The following STXBP5 variants were observed in gnomAD, a reference collection of about 807,000 sequenced individuals.
STXBP5 encodes the protein syntaxin binding protein 5, also known as syntaxin-binding protein 5.
STXBP5 carries 50 observed loss-of-function variants against 152.4 expected under a neutral mutation model. The ratio of observed to expected loss-of-function variants is 0.33; its 90% CI spans 0.26 to 0.42. The LOEUF (loss-of-function observed/expected upper bound fraction) is 0.42. Ranked by LOEUF, STXBP5 falls within the 10% of genes least tolerant of loss-of-function variation. The pLI is 1.00. For synonymous variants in STXBP5, 492 were observed against 494.7 expected, an observed-to-expected ratio of 0.99 and a Z score of 0.07; for missense variants, 1,167 against 1,388.6, an observed-to-expected ratio of 0.84 and a Z score of 2.54.
rs1376303182 is a variant in STXBP5 at position 147,365,605 on chromosome 6, A to G, written c.3081+1439A>G. Among the ~76,000 whole-genome samples the G allele has an allele frequency of 3.3e-5, 5 of 152,312 alleles. No homozygotes were observed. In the South Asian group the frequency reaches 6.2e-4, roughly 19 times the overall value. The stretch of plus-strand genomic sequence containing the variant: ...TAAACTATATTTTAAACTATCTGCT[A>G]TGTGCCTTCATCATACAGAGATAAA... On this transcript the variant is annotated intron_variant, in intron 25 of 27. Coordinates refer to ENST00000321680, the MANE Select transcript of STXBP5 (RefSeq NM_001127715.4).
chr6:147,286,820 A>G (rs1373789065), intron 8 of STXBP5, among the ~76,000 whole-genome samples: 3 of 151,970 alleles, frequency 2.0e-5, no homozygotes, highest in Admixed American at 6.6e-5. Flanking sequence ...GCCTTTTCCC[A>G]TGTTAGCAGC....
rs1159372834 is a variant in STXBP5, at chr6:147,213,434, ATGTGTGTGTGTGTG to A, written c.248+7397_248+7410del. Reference sequence around the variant, plus strand: ...TCACCTGGCTCACATAATTTTATATATGTGTGTGTGTGTGTGTGTGTGTGTGTGTGTGTGTGTGT... The same window carrying A: ...TCACCTGGCTCACATAATTTTATATATGTGTGTGTGTGTGTGTGTGTGTGT... On this transcript the variant is annotated intron_variant, in intron 2 of 27. Transcript: ENST00000321680. Among the ~76,000 whole-genome samples, 146 of 85,590 alleles carry A rather than the reference ATGTGTGTGTGTGTG, an allele frequency of 1.7e-3. 3 individuals are homozygous for A. In the East Asian group the frequency reaches 0.053, roughly 31 times the overall value. 56.2% of individuals were successfully genotyped at this position (85,590 alleles called of 152,430 possible).
At chr6:147,224,341 C>A (rs1777605603) in intron 2 of STXBP5, among the ~76,000 whole-genome samples, 2 of 152,316 alleles carry the variant, frequency 1.3e-5, no homozygotes, top group South Asian at 4.1e-4. Flanking sequence ...ACTAGAATCA[C>A]TTTCACAGCC....
chr6:147,306,113 G>C (rs1240736038), intron 9 of STXBP5, among the ~76,000 whole-genome samples: 2 of 152,202 alleles, frequency 1.3e-5, no homozygotes, highest in African/African-American at 4.8e-5. Flanking sequence ...ATCTGGCCAT[G>C]TGTGGGAAGC....
At chr6:147,287,831 T>C (rs1781061309) in intron 8 of STXBP5, among the ~76,000 whole-genome samples, 1 of 152,246 alleles carries the variant, frequency 6.6e-6, no homozygotes, top group Non-Finnish European at 1.5e-5. Context: ...GTTTTATTAT[T>C]TCTAATAAAT....
At chr6:147,210,541 G>T (rs911274926) in intron 2 of STXBP5, among the ~76,000 whole-genome samples, 1 of 152,074 alleles carries the variant, frequency 6.6e-6, no homozygotes, top group Non-Finnish European at 1.5e-5. Flanking sequence ...AATTCTGTGG[G>T]TTTGTCCAGC....
chr6:147,265,505 C>A (rs1779848411), intron 6 of STXBP5, among the ~76,000 whole-genome samples: 1 of 151,988 alleles, frequency 6.6e-6, no homozygotes, highest in African/African-American at 2.4e-5. Context: ...AAAGGAGCAT[C>A]TTAATTTGTC....
chr6:147,220,963 T>TA, intron 2 of STXBP5, among the ~76,000 whole-genome samples: 1 of 152,290 alleles, frequency 6.6e-6, no homozygotes, highest in East Asian at 1.9e-4. Flanking sequence ...CCGTTCTTTT[T>TA]ATGCCTCTTG....
intron 25 of STXBP5, among the ~76,000 whole-genome samples, chr6:147,364,885 A>G (rs1212245880): frequency 2.0e-5 from 3 of 152,148 alleles, no homozygotes; most frequent in Middle Eastern, 3.2e-3. Flanking sequence ...GCAAATTTGA[A>G]TTTGTGGCTT....
chr6:147,381,412 G>T (rs1162593132), intron 26 of STXBP5, among the ~76,000 whole-genome samples: 2 of 152,050 alleles, frequency 1.3e-5, no homozygotes, highest in African/African-American at 4.8e-5. Context: ...GGAGATATTG[G>T]AACCCTCATA....
At chr6:147,213,455 T>TGCGC (rs1776977564) in intron 2 of STXBP5, among the ~76,000 whole-genome samples, 1 of 143,962 alleles carries the variant, frequency 6.9e-6, no homozygotes, top group African/African-American at 2.8e-5. Context: ...TGTGTGTGTG[T>TGCGC]GTGTGTGTGT....
intron 21 of STXBP5, chr6:147,351,888 C>T: frequency 1.0e-6 from 1 of 985,352 alleles, no homozygotes; most frequent in Non-Finnish European, 1.2e-6. Context: ...CCCTTATGGA[C>T]TAGCAGGGTC....
chr6:147,246,976 A>G (rs896500909), intron 4 of STXBP5, among the ~76,000 whole-genome samples: 5 of 152,220 alleles, frequency 3.3e-5, no homozygotes, highest in African/African-American at 1.2e-4. Context: ...CTCATTTATT[A>G]CATTATACTC....
intron 5 of STXBP5, among the ~76,000 whole-genome samples, chr6:147,261,596 G>T (rs1779642147): frequency 6.6e-6 from 1 of 151,914 alleles, no homozygotes; most frequent in African/African-American, 2.4e-5. Context: ...ATTAATCCTG[G>T]TTTTTCTTCT....
At chr6:147,280,684 T>G (rs1780660167) in intron 8 of STXBP5, among the ~76,000 whole-genome samples, 1 of 152,156 alleles carries the variant, frequency 6.6e-6, no homozygotes, top group Non-Finnish European at 1.5e-5. Context: ...ATTACAAGCT[T>G]AGGTCATTGA....
rs1488238656 is a variant in STXBP5 at position 147,204,512 on chromosome 6, C to G, written c.-21C>G. The G allele has an allele frequency of 6.2e-7, 1 of 1,608,768 alleles. No individual in the cohort carries two copies. The highest frequency in any genetic ancestry group is 8.5e-7 in the Non-Finnish European group (1 of 1,178,378). The stretch of plus-strand genomic sequence containing the variant: ...CCCCTGTGCCTCCCCTCCCGGGCTG[C>G]GGGGGAGCCCCTCCGAGACCATGAG... On this transcript the variant is annotated 5_prime_UTR_variant, in exon 1 of 28. Transcript: ENST00000321680. This position sits in a 1 kb window ranked among gnomAD's most constrained non-coding sequence, Gnocchi z 4.3.
rs762293355 is a variant in STXBP5 at position 147,390,410 on chromosome 6, T to C, written c.*5655T>C. ...ATGTTCATATATATGTATATGAATGTCTCTTTATGCTGAAGGGCTCTGATT... is the reference window on the plus strand; with the variant it reads ...ATGTTCATATATATGTATATGAATGCCTCTTTATGCTGAAGGGCTCTGATT... On this transcript the variant is annotated 3_prime_UTR_variant, in exon 28 of 28. Coordinates refer to ENST00000321680, the MANE Select transcript of STXBP5 (RefSeq NM_001127715.4). 1 of 152,022 alleles carries C rather than the reference T, an allele frequency of 6.6e-6. No homozygotes were observed. Among genetic ancestry groups the C allele is most frequent in the Non-Finnish European group, 1.5e-5 (1 of 67,950 alleles). The allele number at this position is 152,022 out of a possible 1,614,324, so 9.4% of individuals were successfully genotyped here. A position where few individuals can be genotyped will look rare whatever the true frequency, so the allele number is the denominator to read the frequency against.
chr6:147,237,292 A>G (rs1778325452), intron 3 of STXBP5, among the ~76,000 whole-genome samples: 1 of 152,148 alleles, frequency 6.6e-6, no homozygotes, highest in Admixed American at 6.5e-5. Flanking sequence ...AATTATAAAT[A>G]CATTATAAAT....
chr6:147,364,060 T>G lies in STXBP5; in HGVS notation c.2975T>G (p.Ile992Arg). ...VYYLPLTNMR[I>R]ARTFCFTNNG... The stretch of plus-strand genomic sequence containing the variant: ...TACTTGCCCCTTACCAATATGCGGA[T>G]AGCCAGAACGTTCTGCTTTACCAAC... Residue 992 changes from isoleucine (I) to arginine (R), a missense_variant, in exon 25 of 28, where the codon ATA (isoleucine) becomes AGA (arginine). Ile to Arg is a moderately conservative substitution (Grantham distance 97). Coordinates refer to ENST00000321680, the MANE Select transcript of STXBP5 (RefSeq NM_001127715.4). 1 of 1,614,104 alleles carries G rather than the reference T, an allele frequency of 6.2e-7. No individual in the cohort carries two copies. Among genetic ancestry groups the G allele is most frequent in the Non-Finnish European group, 8.5e-7 (1 of 1,180,006 alleles).
Sources: allele counts gnomAD v4.1 joint callset (sites outside exome capture counted in the v4.1 genomes callset), GRCh38; gene constraint gnomAD v4.1.1; non-coding constraint Gnocchi (gnomAD v3.1); transcripts MANE v1.5; gene names NCBI Gene and HGNC (gene_info 2026-07-23, HGNC 2026-07-21).